The following AVL9 variants were observed in gnomAD, a reference collection of about 807,000 sequenced individuals.
The protein encoded by AVL9 is late secretory pathway protein AVL9 homolog.
In AVL9, 49 loss-of-function variants were observed where a neutral mutation model predicts 79.2. That is an observed-to-expected ratio of 0.62 (90% CI 0.49 to 0.79). The LOEUF is 0.79. AVL9 is among the 30% of genes least tolerant of loss of function. The pLI is 0.00. For missense variants in AVL9, 682 were observed against 776.8 expected (o/e 0.88, Z 1.45); for synonymous variants, 299 against 280.6 (o/e 1.07, Z -0.65).
chr7:32,513,941 G>A (rs147691956), intron 1 of AVL9, among the ~76,000 whole-genome samples: 3 of 152,266 alleles, frequency 2.0e-5, no homozygotes, highest in East Asian at 3.9e-4. Flanking sequence ...CTAGTTTTAT[G>A]TTTAACTTTA....
Position 32,558,539 on chromosome 7 carries a change from T to G in AVL9, c.610-20T>G. 1 of 1,581,708 alleles carries G rather than the reference T, an allele frequency of 6.3e-7. No individual in the cohort carries two copies. On this transcript the variant is annotated intron_variant, in intron 8 of 15. Transcript: ENST00000318709. ...GGCTTCATGGGTCTTCTAATTTGAT[T>G]TTGATTGACTCCATTCCAGGTTCTT... is the stretch of plus-strand genomic sequence containing the variant.
intron 1 of AVL9, chr7:32,536,733 C>T (rs1014975132): frequency 1.3e-5 from 2 of 152,178 alleles, no homozygotes; most frequent in Admixed American, 6.5e-5. Flanking sequence ...CTCTGTCTGA[C>T]TTTGCTACCA....
At position 32,524,234 on chromosome 7, in the gene AVL9, C is replaced by T. The variant is rs1030335894; in HGVS notation, c.94-18907C>T. On this transcript the variant is annotated intron_variant, in intron 1 of 15. Transcript: ENST00000318709. ...TGTCTTATGAAAATGGGTATTACAT[C>T]GCTGGGCACGGTGGCTCACGCCTGT... is the stretch of plus-strand genomic sequence containing the variant. Among the ~76,000 whole-genome samples the T allele has an allele frequency of 7.2e-5, 11 of 151,958 alleles. No homozygotes were observed. In the South Asian group the frequency reaches 1.0e-3, roughly 14 times the overall value.
Position 32,503,472 on chromosome 7 carries a change from C to T in AVL9, c.93+7670C>T, listed in dbSNP as rs1044521419. ...ACTCGGGAGGCTGAGGCAGGAGAAT[C>T]GCTTGAACCTGGGAGGCAGAGGTTG... On this transcript the variant is annotated intron_variant, in intron 1 of 15. Transcript: ENST00000318709. Among the ~76,000 whole-genome samples the T allele has an allele frequency of 4.2e-5, 6 of 144,210 alleles. No individual in the cohort carries two copies. In the South Asian group the frequency reaches 1.2e-3, roughly 28 times the overall value. The allele number at this position is 144,210 out of a possible 152,430, so 94.6% of individuals were successfully genotyped here.
rs1474929365 is a variant in AVL9, at chr7:32,540,916, T to C, written c.94-2225T>C. On this transcript the variant is annotated intron_variant, in intron 1 of 15. Transcript: ENST00000318709. ...TTTTTTTTTTTTTTTTTTTTTTTTT[T>C]GAGACGGAGTCTCGCTCTGTCGCCC... Among the ~76,000 whole-genome samples, 18 of 75,098 alleles carry C rather than the reference T, an allele frequency of 2.4e-4. No individual in the cohort carries two copies. The East Asian group carries it at 2.8e-3, about 12-fold the overall frequency. 49.3% of individuals were successfully genotyped at this position (75,098 alleles called of 152,430 possible). A position where few individuals can be genotyped will look rare whatever the true frequency, so the allele number is the denominator to read the frequency against.
Position 32,495,701 on chromosome 7 carries a change from C to T in AVL9, c.-9C>T. 1.6e-6 allele frequency: 2 copies of T among 1,255,694 alleles called. No homozygotes were observed. Among genetic ancestry groups the T allele is most frequent in the Non-Finnish European group, 2.0e-6 (2 of 990,964 alleles). 77.8% of individuals were successfully genotyped at this position (1,255,694 alleles called of 1,614,324 possible). A position where few individuals can be genotyped will look rare whatever the true frequency, so the allele number is the denominator to read the frequency against. ...TCGAAGTCGTCGTGCGGGCCCGCGG[C>T]GGCCGCCCATGGAGAAGGCCAGGAG... On this transcript the variant is annotated 5_prime_UTR_variant, in exon 1 of 16. Transcript: ENST00000318709.
chr7:32,542,707 A>G (rs1157353678), intron 1 of AVL9, among the ~76,000 whole-genome samples: 1 of 152,104 alleles, frequency 6.6e-6, no homozygotes, highest in Non-Finnish European at 1.5e-5. Context: ...GAGCCATCCT[A>G]TTTTTCCACA....
rs70992731 is a variant in AVL9 at position 32,566,180 on chromosome 7, A to ATATTTTTTTTTTTTTTT, written c.1216-3839_1216-3838insATTTTTTTTTTTTTTTT. ...TAAAAAAATTTTAATTATTATTATT[A>ATATTTTTTTTTTTTTTT]TTTTTTTTTTTTGGAGACAAGGTCT... is the stretch of plus-strand genomic sequence containing the variant. On this transcript the variant is annotated intron_variant, in intron 10 of 15. Coordinates refer to ENST00000318709, the MANE Select transcript of AVL9 (RefSeq NM_015060.3). Among the ~76,000 whole-genome samples the ATATTTTTTTTTTTTTTT allele has an allele frequency of 2.1e-5, 2 of 93,886 alleles. 1 individual carries two copies. The highest frequency in any genetic ancestry group is 4.0e-5 in the Non-Finnish European group (2 of 49,472). 61.6% of individuals were successfully genotyped at this position (93,886 alleles called of 152,430 possible). A position where few individuals can be genotyped will look rare whatever the true frequency, so the allele number is the denominator to read the frequency against.
intron 1 of AVL9, among the ~76,000 whole-genome samples, chr7:32,504,384 C>T (rs1246421373): frequency 6.6e-6 from 1 of 152,130 alleles, no homozygotes; most frequent in African/African-American, 2.4e-5. Context: ...TTTATCATTA[C>T]ACCTTATGTT....
chr7:32,582,600 A>G (rs985331819), intron 15 of AVL9, among the ~76,000 whole-genome samples: 32 of 152,352 alleles, frequency 2.1e-4, no homozygotes, highest in African/African-American at 7.7e-4. Context: ...TGCTACTGAT[A>G]GTTAAATTCT....
intron 15 of AVL9, among the ~76,000 whole-genome samples, chr7:32,582,434 T>C: frequency 6.6e-6 from 1 of 152,238 alleles, no homozygotes; most frequent in Middle Eastern, 3.2e-3. Flanking sequence ...ACTAGATTAG[T>C]TTTATTGCAA....
chr7:32,573,443 G>T (rs543438159), intron 12 of AVL9, 25 bp downstream of exon 12: 1 of 1,575,068 alleles, frequency 6.3e-7, no homozygotes, highest in Non-Finnish European at 8.7e-7. Context: ...GGAGCCTACA[G>T]CTACCTGTTT....
chr7:32,502,406 A>AAAAAAGAAAG (rs201243248), intron 1 of AVL9, among the ~76,000 whole-genome samples: 1 of 140,118 alleles, frequency 7.1e-6, no homozygotes, highest in Non-Finnish European at 1.5e-5. Context: ...AAAAAAAAAA[A>AAAAAAGAAAG]AAAGAAAGAA....
intron 1 of AVL9, among the ~76,000 whole-genome samples, chr7:32,510,781 A>G (rs1182567330): frequency 2.1e-3 from 127 of 59,814 alleles, no homozygotes; most frequent in Admixed American, 2.6e-3. Flanking sequence ...GTCTGGGTGT[A>G]GGAGTCCACA....
intron 6 of AVL9, 102 bp from the exon 7 acceptor site, chr7:32,553,622 CTTT>C (rs10717407): frequency 2.2e-3 from 1,321 of 601,130 alleles, no homozygotes; most frequent in South Asian, 4.6e-3. Flanking sequence ...CATATTCCTA[CTTT>C]TTTTTTTTTT....
At chr7:32,553,666 C>A (rs1356235926) in intron 6 of AVL9, 61 bp from the exon 7 acceptor site, 1 of 1,276,066 alleles carries the variant, frequency 7.8e-7, no homozygotes, top group East Asian at 2.3e-5. Context: ...GGGGAAATAA[C>A]CTTTCTGCAG....
At chr7:32,496,690 G>C (rs1165603917) in intron 1 of AVL9, among the ~76,000 whole-genome samples, 1 of 152,192 alleles carries the variant, frequency 6.6e-6, no homozygotes. Flanking sequence ...GCCACCACTA[G>C]CTAATGAAGC....
At chr7:32,582,745 T>C (rs1049524025) in intron 15 of AVL9, among the ~76,000 whole-genome samples, 1 of 152,126 alleles carries the variant, frequency 6.6e-6, no homozygotes, top group Admixed American at 6.5e-5. Flanking sequence ...AAGTGCAATA[T>C]GGTGCGATCT....
chr7:32,538,022 A>G (rs1294247970), intron 1 of AVL9: 12 of 152,226 alleles, frequency 7.9e-5, no homozygotes, highest in Admixed American at 7.9e-4. Flanking sequence ...AATTTTACCC[A>G]TGGAATTCTT....
Sources: allele counts gnomAD v4.1 joint callset (sites outside exome capture counted in the v4.1 genomes callset), GRCh38; gene constraint gnomAD v4.1.1; transcripts MANE v1.5; gene names NCBI Gene and HGNC (gene_info 2026-07-23, HGNC 2026-07-21).